Variants in ARSG observed in about 807,000 individuals in gnomAD.
ARSG encodes ASG.
Under a neutral mutation model 50.5 loss-of-function variants are expected in ARSG, and 37 were observed. The observed-to-expected ratio is 0.73, with a 90% CI of 0.56 to 0.96. The LOEUF (loss-of-function observed/expected upper bound fraction) is 0.96, where lower values mean the gene tolerates loss of function less well. Ranked by LOEUF, ARSG falls within the 50% of genes least tolerant of loss-of-function variation. The pLI is 0.00. For synonymous variants in ARSG, 225 were observed against 254.6 expected (o/e 0.88, Z 1.11); for missense variants, 629 against 675.3 (o/e 0.93, Z 0.76).
chr17:68,307,723 G>C lies in ARSG; in HGVS notation c.218+12G>C. 7.1e-7 allele frequency: 1 copy of C among 1,414,700 alleles called. No individual in the cohort carries two copies. The highest frequency in any genetic ancestry group is 1.4e-5 in the African/African-American group (1 of 71,086). 87.6% of individuals were successfully genotyped at this position (1,414,700 alleles called of 1,614,324 possible). A position where few individuals can be genotyped will look rare whatever the true frequency, so the allele number is the denominator to read the frequency against. Reference sequence around the variant, plus strand: ...TCGGAGGGAATGAGGTGAGTCTTGAGATGCCAGGCCAGCCTTTCTTTGGAT... The same window carrying C: ...TCGGAGGGAATGAGGTGAGTCTTGACATGCCAGGCCAGCCTTTCTTTGGAT... On this transcript the variant is annotated intron_variant, in intron 2 of 11. Transcript: ENST00000621439.
At chr17:68,346,796 G>T (rs1376011980) in intron 3 of ARSG, 2 of 1,322,124 alleles carry the variant, frequency 1.5e-6, no homozygotes, top group African/African-American at 3.0e-5. Flanking sequence ...GGAGGGCAAA[G>T]TGAAGGAGCC....
At chr17:68,436,219 C>A in the ARSG span, among the ~76,000 whole-genome samples, 1 of 152,302 alleles carries the variant, frequency 6.6e-6, no homozygotes, top group East Asian at 1.9e-4. Flanking sequence ...TGACTCACAG[C>A]AAGCCCGAGG....
the ARSG span, chr17:68,428,767 G>A: frequency 3.1e-5 from 41 of 1,331,392 alleles, no homozygotes; most frequent in Middle Eastern, 3.8e-4. Flanking sequence ...CGTTCTTGGC[G>A]AAGGGACAAC....
At chr17:68,390,973 G>A (rs983359137) in intron 9 of ARSG, among the ~76,000 whole-genome samples, 1 of 149,888 alleles carries the variant, frequency 6.7e-6, no homozygotes, top group African/African-American at 2.5e-5. Context: ...AGGCAGAAGT[G>A]CCCAGGTCCC....
upstream of ARSG, among the ~76,000 whole-genome samples, chr17:68,286,629 C>T (rs574717052): frequency 1.1e-4 from 16 of 152,174 alleles, no homozygotes; most frequent in Admixed American, 7.8e-4. Flanking sequence ...CTCAGCCTCC[C>T]GAGTAGCTGG....
chr17:68,443,476 C>T, the ARSG span, among the ~76,000 whole-genome samples: 2 of 152,146 alleles, frequency 1.3e-5, no homozygotes, highest in Admixed American at 6.5e-5. Flanking sequence ...AAATCAACAG[C>T]CAAGGGCCAT....
chr17:68,405,575 G>T (rs1455076990), intron 11 of ARSG, among the ~76,000 whole-genome samples: 1 of 152,086 alleles, frequency 6.6e-6, no homozygotes, highest in East Asian at 1.9e-4. Flanking sequence ...CTGTTTTTAT[G>T]TGGAATATTT....
Position 68,329,120 on chromosome 17 carries a change from G to C in ARSG, c.219-14484G>C, listed in dbSNP as rs9905109. 1.5e-3 allele frequency among the ~76,000 whole-genome samples: 235 copies of C among 152,348 alleles called. 2 individuals are homozygous for C. The highest frequency in any genetic ancestry group is 5.5e-3 in the African/African-American group (229 of 41,584). On this transcript the variant is annotated intron_variant, in intron 2 of 11. Coordinates refer to ENST00000621439, the MANE Select transcript of ARSG (RefSeq NM_001267727.2). ...GGTCAGGGAGACCTCCCCAGGAGGT[G>C]AAATGAGAGCTGAAGTCCAGCTGAC... is the stretch of plus-strand genomic sequence containing the variant.
downstream of ARSG, among the ~76,000 whole-genome samples, chr17:68,423,683 A>G (rs1223214865): frequency 6.6e-6 from 1 of 152,236 alleles, no homozygotes; most frequent in African/African-American, 2.4e-5. The surrounding 1 kb of genome is among the most constrained non-coding windows in gnomAD (Gnocchi z 4.4). Flanking sequence ...ATGGGCACAC[A>G]GGCCTCAGGA....
chr17:68,273,134 A>C (rs547050026), intron 1 of ARSG, among the ~76,000 whole-genome samples: 1 of 152,290 alleles, frequency 6.6e-6, no homozygotes, highest in South Asian at 2.1e-4. Context: ...AAAAATTTAA[A>C]GTCTGCAAAT....
At chr17:68,430,388 A>G in the ARSG span, among the ~76,000 whole-genome samples, 2 of 152,218 alleles carry the variant, frequency 1.3e-5, no homozygotes, top group Non-Finnish European at 2.9e-5. Flanking sequence ...AAAGCTGTTA[A>G]AAGGTTCCCA....
intron 2 of ARSG, among the ~76,000 whole-genome samples, chr17:68,308,842 T>C (rs983292269): frequency 1.3e-5 from 2 of 152,278 alleles, no homozygotes; most frequent in Admixed American, 6.5e-5. Flanking sequence ...GGAGCCCAGC[T>C]GGCTTCACCC....
chr17:68,414,044 CTCAGATGGAA>C (rs1468222934), intron 11 of ARSG: 1 of 155,982 alleles, frequency 6.4e-6, no homozygotes, highest in Admixed American at 6.5e-5. Context: ...AACCCGGTAC[CTCAGATGGAA>C]ATGCAGAAAT....
At chr17:68,261,798 C>A (rs1268971032) in intron 1 of ARSG, among the ~76,000 whole-genome samples, 2 of 152,068 alleles carry the variant, frequency 1.3e-5, no homozygotes, top group Non-Finnish European at 2.9e-5. Context: ...AAGGGAGTAC[C>A]AAGCAAAGGA....
intron 10 of ARSG, chr17:68,400,311 T>C (rs1049581486): frequency 3.9e-5 from 6 of 152,236 alleles, no homozygotes; most frequent in African/African-American, 7.2e-5. Context: ...TTCCATTCTG[T>C]ACGGTAATTC....
intron 1 of ARSG, chr17:68,272,688 A>G (rs1555749397): frequency 1.2e-6 from 2 of 1,614,194 alleles, no homozygotes; most frequent in Non-Finnish European, 1.7e-6. Flanking sequence ...AAGCAACTGC[A>G]GTGACTATGG....
Position 68,266,075 on chromosome 17 carries a change from C to CTT in ARSG, c.-552+6651_-552+6652dup, listed in dbSNP as rs1460159160. Among the ~76,000 whole-genome samples the CTT allele has an allele frequency of 3.9e-5, 6 of 152,238 alleles. No homozygotes were observed. In the East Asian group the frequency reaches 1.2e-3, roughly 29 times the overall value. ...GAATGACTCTGTAACTGGTTGTGGT[C>CTT]TTTAACTATTTGCCTTTATGACTTT... On this transcript the variant is annotated intron_variant, in intron 1 of 11. Transcript: ENST00000448504.
chr17:68,412,250 G>A (rs1013246554), intron 11 of ARSG, among the ~76,000 whole-genome samples: 32 of 152,282 alleles, frequency 2.1e-4, no homozygotes, highest in Non-Finnish European at 3.8e-4. Flanking sequence ...ATTTTGCAGT[G>A]GCTGGTACCG....
the ARSG span, chr17:68,435,544 G>C: frequency 6.9e-7 from 1 of 1,443,204 alleles, no homozygotes; most frequent in South Asian, 1.1e-5. Context: ...CACCAGGTTT[G>C]TTCAATCCCA....
Sources: allele counts gnomAD v4.1 joint callset (sites outside exome capture counted in the v4.1 genomes callset), GRCh38; gene constraint gnomAD v4.1.1; non-coding constraint Gnocchi (gnomAD v3.1); transcripts MANE v1.5; gene names NCBI Gene and HGNC (gene_info 2026-07-23, HGNC 2026-07-21).